The following CES5A variants were observed in gnomAD, a reference collection of about 807,000 sequenced individuals.
The protein encoded by CES5A is carboxylesterase 5A, also known as carboxylesterase 5.
CES5A carries 67 observed loss-of-function variants against 62.9 expected under a neutral mutation model. The ratio of observed to expected loss-of-function variants is 1.07; its 90% confidence interval spans 0.88 to 1.31. CES5A has a LOEUF of 1.31. Among genes scored for constraint, CES5A ranks in the 50% most tolerant of loss-of-function variants. The probability of loss-of-function intolerance (pLI) is 0.00; values close to 1 mark genes in which losing one functional copy is unlikely to be tolerated. For missense variants in CES5A, 748 were observed against 708.5 expected, an observed-to-expected ratio of 1.06 and a Z score of -0.63; for synonymous variants, 296 against 280.8, an observed-to-expected ratio of 1.05 and a Z score of -0.54.
intron 1 of CES5A, among the ~76,000 whole-genome samples, chr16:55,904,357 A>G (rs1433502864): frequency 6.6e-6 from 1 of 152,198 alleles, no homozygotes; most frequent in East Asian, 1.9e-4. Flanking sequence ...GAGTACCAGG[A>G]TGGGGGCAGA....
At chr16:55,893,030 A>G (rs1352832632) in intron 1 of CES5A, among the ~76,000 whole-genome samples, 6 of 152,172 alleles carry the variant, frequency 3.9e-5, no homozygotes, top group African/African-American at 9.7e-5. Context: ...AAAAATGCCA[A>G]ATACAGCCTT....
intron 3 of CES5A, among the ~76,000 whole-genome samples, 153 bp downstream of exon 3, chr16:55,871,472 C>T (rs1347743707): frequency 6.6e-6 from 1 of 152,244 alleles, no homozygotes; most frequent in Non-Finnish European, 1.5e-5. Context: ...GTGAATCTAT[C>T]ATTCAAATGA....
upstream of CES5A, among the ~76,000 whole-genome samples, chr16:55,928,931 G>A (rs992053569): frequency 1.4e-4 from 21 of 152,152 alleles, no homozygotes; most frequent in Admixed American, 1.2e-3. Context: ...TCATGGGAAG[G>A]TCTTCTAGCA....
intron 12 of CES5A, 34 bp downstream of exon 12, chr16:55,846,734 C>T (rs2033019649): frequency 4.3e-6 from 7 of 1,613,404 alleles, no homozygotes; most frequent in Admixed American, 1.7e-5. Context: ...ACACCCCAGG[C>T]CTTGGCATGG....
Position 55,846,393 on chromosome 16 carries a change from G to T in CES5A, c.*58C>A. The T allele has an allele frequency of 1.5e-6, 2 of 1,341,692 alleles. No individual in the cohort carries two copies. Among genetic ancestry groups the T allele is most frequent in the Non-Finnish European group, 2.1e-6 (2 of 942,090 alleles). 83.1% of individuals were successfully genotyped at this position (1,341,692 alleles called of 1,614,324 possible). On this transcript the variant is annotated 3_prime_UTR_variant, in exon 13 of 13. Transcript: ENST00000290567. ...CAGCTGAGCTCAGAAAGAAGCTAAT[G>T]ATTGCGGGAGAAATTATGGGAGGAG...
chr16:55,848,285 T>G (rs1220260366), intron 11 of CES5A, among the ~76,000 whole-genome samples: 5 of 151,662 alleles, frequency 3.3e-5, no homozygotes, highest in African/African-American at 1.2e-4. Context: ...TGTTTGTTAT[T>G]ATTATTATTA....
At chr16:55,936,662 G>T (rs1216985557) in intron 2 of CES5A, among the ~76,000 whole-genome samples, 1 of 152,192 alleles carries the variant, frequency 6.6e-6, no homozygotes, top group African/African-American at 2.4e-5. Context: ...CAGAGGATTA[G>T]CTAATTCAGT....
intron 10 of CES5A, among the ~76,000 whole-genome samples, chr16:55,851,187 C>T (rs1406042407): frequency 6.6e-6 from 1 of 152,130 alleles, no homozygotes; most frequent in African/African-American, 2.4e-5. Context: ...ACATTATCAA[C>T]AGAGTAAGAA....
intron 2 of CES5A, among the ~76,000 whole-genome samples, chr16:55,940,976 A>T (rs1440567912): frequency 6.6e-6 from 1 of 151,962 alleles, no homozygotes; most frequent in Admixed American, 6.5e-5. Context: ...ACCTCTCCAT[A>T]AACTTGAAAT....
At chr16:55,938,821 C>T (rs7405118) in intron 2 of CES5A, among the ~76,000 whole-genome samples, 1 of 103,276 alleles carries the variant, frequency 9.7e-6, no homozygotes, top group African/African-American at 3.9e-5. Flanking sequence ...TATATACACA[C>T]ACATATATAT....
chr16:55,859,449 T>TAGGG, intron 8 of CES5A, 98 bp downstream of exon 8: 1 of 1,268,714 alleles, frequency 7.9e-7, no homozygotes. Flanking sequence ...CTCCAGCACT[T>TAGGG]ACAATACCTG....
intron 6 of CES5A, among the ~76,000 whole-genome samples, chr16:55,862,497 G>A (rs2142398890): frequency 6.6e-6 from 1 of 152,316 alleles, no homozygotes; most frequent in South Asian, 2.1e-4. Flanking sequence ...AGGGAAAATA[G>A]TGGGCACTCA....
At chr16:55,952,050 G>C (rs1398411125) in intron 1 of CES5A, among the ~76,000 whole-genome samples, 2 of 151,986 alleles carry the variant, frequency 1.3e-5, no homozygotes, top group Admixed American at 6.6e-5. Context: ...AGGCCACAAA[G>C]GAAACCTCAA....
intron 8 of CES5A, 48 bp downstream of exon 8, chr16:55,859,499 T>C (rs369940519): frequency 2.1e-5 from 33 of 1,589,118 alleles, no homozygotes; most frequent in Non-Finnish European, 2.8e-5. Context: ...AAGCCAAAGC[T>C]GCATCACGGT....
chr16:55,910,972 G>C (rs987076409), intron 1 of CES5A, among the ~76,000 whole-genome samples: 2 of 152,142 alleles, frequency 1.3e-5, no homozygotes, highest in Admixed American at 1.3e-4. Context: ...TGTCTCACAC[G>C]ATTTCCCAGA....
At chr16:55,867,057 C>T (rs555383439) in intron 4 of CES5A, among the ~76,000 whole-genome samples, 1 of 152,204 alleles carries the variant, frequency 6.6e-6, no homozygotes, top group South Asian at 2.1e-4. Context: ...ATGACATCAC[C>T]CAGGCCTCAG....
At chr16:55,856,541 T>C (rs1432420224) in intron 8 of CES5A, 96 bp from the exon 9 acceptor site, 9 of 1,139,836 alleles carry the variant, frequency 7.9e-6, no homozygotes, top group Admixed American at 5.3e-5. Flanking sequence ...ACAGGGGAAG[T>C]TGGATAAGGA....
intron 1 of CES5A, 59 bp downstream of exon 1, chr16:55,875,089 GT>G: frequency 6.6e-7 from 1 of 1,509,824 alleles, no homozygotes; most frequent in Non-Finnish European, 9.2e-7. Context: ...ATTTCTACCA[GT>G]GGAAAATCCT....
chr16:55,875,379 C>T (rs1050673812), upstream of CES5A: 6 of 1,424,754 alleles, frequency 4.2e-6, no homozygotes, highest in South Asian at 4.8e-5. Flanking sequence ...ACAATATTCT[C>T]AAAGGAATTG....
Sources: allele counts gnomAD v4.1 joint callset (sites outside exome capture counted in the v4.1 genomes callset), GRCh38; gene constraint gnomAD v4.1.1; transcripts MANE v1.5; gene names NCBI Gene and HGNC (gene_info 2026-07-23, HGNC 2026-07-21).